ZNF484: variants seen among roughly 807,000 people sequenced by gnomAD.
ZNF484 encodes the protein zinc finger protein 484, also known as KRAB box containing C2H2 type zinc finger bA526D8.4.
In ZNF484, 11 loss-of-function variants were observed where a neutral mutation model predicts 12.9. That is an observed-to-expected ratio of 0.85 (90% CI 0.54 to 1.41). The LOEUF is 1.41. ZNF484 is among the 40% of genes most tolerant of loss of function. The pLI is 0.00. For missense variants in ZNF484, 807 were observed against 1,007.7 expected, an observed-to-expected ratio of 0.80 and a Z score of 2.70; for synonymous variants, 289 against 334.1, an observed-to-expected ratio of 0.86 and a Z score of 1.47.
At position 92,844,379 on chromosome 9, in the gene ZNF484, A is replaced by G. The variant is rs115917320; in HGVS notation, c.*1849T>C. On this transcript the variant is annotated 3_prime_UTR_variant, in exon 5 of 5. Transcript: ENST00000375495. ...TAATTTGAATAGATAATAGCTAGGAATTTCCCCAAATGCACATGTGCACAC... is the reference window on the plus strand; with the variant it reads ...TAATTTGAATAGATAATAGCTAGGAGTTTCCCCAAATGCACATGTGCACAC... 3.3e-3 allele frequency among the ~76,000 whole-genome samples: 498 copies of G among 152,270 alleles called. 1 individual carries two copies. The highest frequency in any genetic ancestry group is 0.011 in the African/African-American group (467 of 41,550).
At chr9:92,855,505 AAG>A (rs999238213) in intron 4 of ZNF484, among the ~76,000 whole-genome samples, 1 of 152,194 alleles carries the variant, frequency 6.6e-6, no homozygotes, top group Non-Finnish European at 1.5e-5. Flanking sequence ...TTTCTAGGGA[AAG>A]AGAGAAAAAA....
intron 2 of ZNF484, among the ~76,000 whole-genome samples, chr9:92,862,850 CAG>C (rs755875990): frequency 1.3e-5 from 2 of 152,142 alleles, no homozygotes; most frequent in Non-Finnish European, 2.9e-5. Flanking sequence ...TTGTGGAAGA[CAG>C]TGTGGTGATT....
intron 2 of ZNF484, among the ~76,000 whole-genome samples, chr9:92,864,818 A>G (rs1436906312): frequency 6.6e-6 from 1 of 152,256 alleles, no homozygotes; most frequent in Non-Finnish European, 1.5e-5. Flanking sequence ...GATTTTAACC[A>G]GATTACATTC....
intron 2 of ZNF484, among the ~76,000 whole-genome samples, chr9:92,873,454 A>T (rs943269537): frequency 3.9e-5 from 6 of 152,326 alleles, no homozygotes; most frequent in Middle Eastern, 3.4e-3. Flanking sequence ...AAACTACCAC[A>T]ACCCTCTCAA....
rs762227615 is a variant in ZNF484, at chr9:92,847,546, C to T, written c.1241G>A (p.Cys414Tyr). 18 of 1,613,894 alleles carry T rather than the reference C, an allele frequency of 1.1e-5. No individual in the cohort carries two copies. The highest frequency in any genetic ancestry group is 1.5e-5 in the Non-Finnish European group (18 of 1,179,992). ...KIHTGEKPYV[C>Y]TECGKAFIRK... ...GATAAAGGCCTTCCCACATTCAGTA[C>T]ATACATAAGGTTTTTCTCCTGTATG... Residue 414 changes from cysteine to tyrosine, a missense_variant, in exon 5 of 5, where the codon TGT (cysteine) becomes TAT (tyrosine). By Grantham distance (194) the Cys-to-Tyr change is radical. Coordinates refer to ENST00000375495, the MANE Select transcript of ZNF484 (RefSeq NM_031486.4).
intron 2 of ZNF484, among the ~76,000 whole-genome samples, chr9:92,861,429 A>G (rs1299556932): frequency 6.6e-6 from 1 of 152,214 alleles, no homozygotes; most frequent in Non-Finnish European, 1.5e-5. Context: ...GTGGAAATAT[A>G]TAAATTCTCA....
At chr9:92,863,753 C>T (rs1856911727) in intron 2 of ZNF484, among the ~76,000 whole-genome samples, 1 of 152,160 alleles carries the variant, frequency 6.6e-6, no homozygotes, top group African/African-American at 2.4e-5. Context: ...ATGTTTTGCA[C>T]ATATTGAGAT....
In ZNF484 at chr9:92,847,104, G is replaced by T; in HGVS notation, c.1683C>A (p.Phe561Leu). ...GCATACTTAATGTTGACTTCTGAAT[G>T]AATGCTTTCCCACATTCACTGCATT... ...HYECSECGKA[F>L]IQKSTLSMHQ... Residue 561 changes from phenylalanine to leucine, a missense_variant, in exon 5 of 5, where the codon TTC (phenylalanine) becomes TTA (leucine). Coordinates refer to ENST00000375495, the MANE Select transcript of ZNF484 (RefSeq NM_031486.4). 4 of 1,613,070 alleles carry T rather than the reference G, an allele frequency of 2.5e-6. No individual in the cohort carries two copies. The South Asian group carries it at 4.4e-5, about 18-fold the overall frequency.
At chr9:92,849,802 T>C (rs897735219) in intron 4 of ZNF484, among the ~76,000 whole-genome samples, 12 of 147,198 alleles carry the variant, frequency 8.2e-5, no homozygotes, top group Non-Finnish European at 1.2e-4. Flanking sequence ...CTCTCTCTCT[T>C]TTTTTTTTTT....
chr9:92,860,303 G>C (rs1856700770), intron 2 of ZNF484, among the ~76,000 whole-genome samples: 1 of 152,078 alleles, frequency 6.6e-6, no homozygotes, highest in African/African-American at 2.4e-5. Flanking sequence ...ATCCTTTACT[G>C]CACAACAATA....
chr9:92,848,454 T>C lies in ZNF484; in HGVS notation c.333A>G (p.Pro111=). 1.2e-6 allele frequency: 2 copies of C among 1,614,126 alleles called. No individual in the cohort carries two copies. Among genetic ancestry groups the C allele is most frequent in the Non-Finnish European group, 1.7e-6 (2 of 1,179,996 alleles). ...TCCACAATTCTTCTAAAATGGAATA[T>C]GGGTCATCTCTTGTGAAGAGATTAA... is the stretch of plus-strand genomic sequence containing the variant. ...ININLFTRDD[P]YSILEELWKD... Residue 111 remains proline, a synonymous_variant, in exon 5 of 5, where the codon CCA becomes CCG. Coordinates refer to ENST00000375495, the MANE Select transcript of ZNF484 (RefSeq NM_031486.4). This position sits in a 1 kb window ranked among gnomAD's most constrained non-coding sequence, Gnocchi z 4.1.
chr9:92,855,789 A>G (rs1161865227), intron 4 of ZNF484, 22 bp downstream of exon 4: 38 of 1,610,008 alleles, frequency 2.4e-5, no homozygotes, highest in Non-Finnish European at 3.1e-5. Flanking sequence ...ACTGTCTACC[A>G]TGCTCTTGGT....
intron 1 of ZNF484, among the ~76,000 whole-genome samples, chr9:92,876,655 G>A (rs546879335): frequency 2.6e-3 from 399 of 152,210 alleles, no homozygotes; most frequent in Admixed American, 4.4e-3. Context: ...TGAAAAAAGG[G>A]ATCCTATAAT....
At chr9:92,854,943 C>A (rs964724841) in intron 4 of ZNF484, among the ~76,000 whole-genome samples, 1 of 151,968 alleles carries the variant, frequency 6.6e-6, no homozygotes, top group African/African-American at 2.4e-5. Context: ...TACAAATTAA[C>A]AATGCCAACA....
intron 2 of ZNF484, among the ~76,000 whole-genome samples, chr9:92,870,032 C>T (rs1857337411): frequency 6.6e-6 from 1 of 152,144 alleles, no homozygotes; most frequent in Admixed American, 6.5e-5. Context: ...AACTGGATTC[C>T]ACTCCTGGAA....
chr9:92,855,430 C>G (rs1157655964), intron 4 of ZNF484, among the ~76,000 whole-genome samples: 2 of 152,020 alleles, frequency 1.3e-5, no homozygotes, highest in African/African-American at 2.4e-5. Flanking sequence ...GAAGGTAGAT[C>G]TATGAGTATT....
Position 92,855,891 on chromosome 9 carries a change from G to A in ZNF484, c.155C>T (p.Pro52Leu), listed in dbSNP as rs1856415342. Reference sequence around the variant, plus strand: ...CAAGCTGAAGATGACTTCTGGTTTGGGAACTTGACATCCTGTTAACAGGGG... The same window carrying A: ...CAAGCTGAAGATGACTTCTGGTTTGAGAACTTGACATCCTGTTAACAGGGG... The part of the protein sequence containing the change: ...FNLISVGCQV[P>L]KPEVIFSLEQ... Residue 52 changes from proline (P) to leucine (L), a missense_variant, in exon 4 of 5, where the codon CCC becomes CTC. Physicochemically the swap from Pro to Leu is moderately conservative, Grantham distance 98. Coordinates refer to ENST00000375495, the MANE Select transcript of ZNF484 (RefSeq NM_031486.4). The A allele has an allele frequency of 1.2e-6, 2 of 1,614,122 alleles. No individual in the cohort carries two copies. The highest frequency in any genetic ancestry group is 1.7e-6 in the Non-Finnish European group (2 of 1,180,004).
rs536309077 is a variant in ZNF484, at chr9:92,871,224, A to G, written c.15+3791T>C. Among the ~76,000 whole-genome samples, 88 of 152,352 alleles carry G rather than the reference A, an allele frequency of 5.8e-4. 1 individual carries two copies. The highest frequency in any genetic ancestry group is 5.9e-4 in the Admixed American group (9 of 15,306). ...ACTTGAAACAAAAAAACTTCAACAA[A>G]GAAATAGAGAAGAGATGAAAAAACC... On this transcript the variant is annotated intron_variant, in intron 2 of 4. Transcript: ENST00000375495.
intron 4 of ZNF484, among the ~76,000 whole-genome samples, chr9:92,849,388 T>C (rs1476341697): frequency 6.6e-6 from 1 of 151,844 alleles, no homozygotes; most frequent in Non-Finnish European, 1.5e-5. Flanking sequence ...TTATATATAA[T>C]ATGTAATACA....
Sources: allele counts gnomAD v4.1 joint callset (sites outside exome capture counted in the v4.1 genomes callset), GRCh38; gene constraint gnomAD v4.1.1; non-coding constraint Gnocchi (gnomAD v3.1); transcripts MANE v1.5; gene names NCBI Gene and HGNC (gene_info 2026-07-23, HGNC 2026-07-21).